PAX5: variants seen among roughly 807,000 people sequenced by gnomAD.
PAX5 encodes the protein paired box 5, also known as paired box protein Pax-5.
A neutral mutation model predicts 43.7 loss-of-function variants in PAX5; 9 were observed. That is an observed-to-expected ratio of 0.21 (90% CI 0.12 to 0.36). The LOEUF is 0.36. PAX5 is among the 10% of genes least tolerant of loss of function. The probability of loss-of-function intolerance (pLI) is 1.00; values close to 1 mark genes in which losing one functional copy is unlikely to be tolerated. For missense variants in PAX5, 383 were observed against 532.7 expected (o/e 0.72, Z 2.77); for synonymous variants, 228 against 214.3 (o/e 1.06, Z -0.56).
intron 5 of PAX5, among the ~76,000 whole-genome samples, chr9:36,994,210 G>A (rs574698115): frequency 2.6e-5 from 4 of 152,306 alleles, no homozygotes; most frequent in Admixed American, 2.6e-4. Flanking sequence ...CTGGGTCTCA[G>A]CTGAGGTGCC....
intron 1 of PAX5, among the ~76,000 whole-genome samples, chr9:37,031,991 C>CT (rs1259896280): frequency 1.3e-5 from 2 of 152,198 alleles, no homozygotes; most frequent in African/African-American, 4.8e-5. Flanking sequence ...CTCAGCTTCC[C>CT]TCTCTTCTCC....
intron 6 of PAX5, among the ~76,000 whole-genome samples, chr9:36,932,702 G>A (rs906531092): frequency 6.6e-6 from 1 of 152,086 alleles, no homozygotes; most frequent in Non-Finnish European, 1.5e-5. Context: ...CACTTACAAT[G>A]AGTGAATTTT....
intron 6 of PAX5, among the ~76,000 whole-genome samples, chr9:36,928,911 T>A (rs1290494294): frequency 6.6e-6 from 1 of 152,116 alleles, no homozygotes; most frequent in African/African-American, 2.4e-5. Context: ...ACCAGTAAAG[T>A]GTTTCCCCTG....
chr9:37,028,015 G>A (rs1840610687), intron 1 of PAX5, among the ~76,000 whole-genome samples: 1 of 152,246 alleles, frequency 6.6e-6, no homozygotes, highest in African/African-American at 2.4e-5. Flanking sequence ...CGGGTCCCAC[G>A]CGGGCTGGAC....
intron 5 of PAX5, among the ~76,000 whole-genome samples, chr9:37,001,138 A>G (rs1029910209): frequency 1.3e-5 from 2 of 152,222 alleles, no homozygotes; most frequent in African/African-American, 4.8e-5. Context: ...AAGGAGCTTG[A>G]GGGGCAAAAC....
In PAX5 at chr9:36,836,655, C is replaced by T. The variant is rs757591262; in HGVS notation, c.*3905G>A. The T allele has an allele frequency of 4.3e-6, 1 of 232,778 alleles. No homozygotes were observed. Among genetic ancestry groups the T allele is most frequent in the Non-Finnish European group, 8.5e-6 (1 of 117,838 alleles). 14.4% of individuals were successfully genotyped at this position (232,778 alleles called of 1,614,324 possible). On this transcript the variant is annotated 3_prime_UTR_variant, in exon 10 of 10. Coordinates refer to ENST00000358127, the MANE Select transcript of PAX5 (RefSeq NM_016734.3). ...CACCCCGTTCACCCAGGAAGCAGTT[C>T]ATTCAGGGGACTTGAGATTGTGATC...
chr9:36,853,621 A>G (rs1248272174), intron 8 of PAX5, among the ~76,000 whole-genome samples: 1 of 152,274 alleles, frequency 6.6e-6, no homozygotes, highest in Non-Finnish European at 1.5e-5. Context: ...GCCTTAAGAA[A>G]TTTCAGACAA....
intron 1 of PAX5, among the ~76,000 whole-genome samples, chr9:37,033,284 C>A (rs1184188061): frequency 2.6e-5 from 4 of 152,222 alleles, no homozygotes; most frequent in African/African-American, 9.6e-5. Flanking sequence ...ACATGCTAAA[C>A]ACCACGGATC....
At chr9:36,998,624 C>T (rs1837597779) in intron 5 of PAX5, among the ~76,000 whole-genome samples, 1 of 152,284 alleles carries the variant, frequency 6.6e-6, no homozygotes, top group African/African-American at 2.4e-5. Flanking sequence ...CCAGTACAAT[C>T]GAGGAGCTAA....
chr9:36,940,163 C>T (rs918153352), intron 6 of PAX5, among the ~76,000 whole-genome samples: 1 of 152,182 alleles, frequency 6.6e-6, no homozygotes, highest in Non-Finnish European at 1.5e-5. Flanking sequence ...GAGGCAATTG[C>T]GTTGGTCTCT....
At chr9:36,859,830 C>A (rs763662494) in intron 8 of PAX5, among the ~76,000 whole-genome samples, 17 of 152,216 alleles carry the variant, frequency 1.1e-4, no homozygotes, top group African/African-American at 3.9e-4. Flanking sequence ...GTCAGGAGAT[C>A]GAGACCATCC....
chr9:36,844,820 C>T (rs558885441), intron 9 of PAX5, among the ~76,000 whole-genome samples: 38 of 152,308 alleles, frequency 2.5e-4, no homozygotes, highest in Non-Finnish European at 4.6e-4. Flanking sequence ...AACTCCCCAG[C>T]CTGGCCTTCA....
At chr9:36,929,217 A>C (rs1473860739) in intron 6 of PAX5, among the ~76,000 whole-genome samples, 1 of 151,378 alleles carries the variant, frequency 6.6e-6, no homozygotes, top group East Asian at 1.9e-4. Context: ...GGAAGGAAGG[A>C]AGGAAGAAGG....
At chr9:36,860,494 CAG>C (rs1052425853) in intron 8 of PAX5, among the ~76,000 whole-genome samples, 18 of 152,232 alleles carry the variant, frequency 1.2e-4, no homozygotes, top group African/African-American at 4.3e-4. Flanking sequence ...GTTTGAGAGA[CAG>C]GGGGCAGGGA....
intron 7 of PAX5, among the ~76,000 whole-genome samples, chr9:36,889,111 G>T (rs1244659861): frequency 6.6e-6 from 1 of 152,204 alleles, no homozygotes; most frequent in Non-Finnish European, 1.5e-5. Context: ...GAGAAGTGAG[G>T]TCTATGATCC....
At chr9:36,905,301 C>A (rs989487591) in intron 7 of PAX5, among the ~76,000 whole-genome samples, 1 of 152,236 alleles carries the variant, frequency 6.6e-6, no homozygotes, top group African/African-American at 2.4e-5. Flanking sequence ...AGCTTCTGGG[C>A]CATTGTCACA....
chr9:36,869,329 C>T (rs767520104), intron 8 of PAX5, among the ~76,000 whole-genome samples: 6 of 152,202 alleles, frequency 3.9e-5, no homozygotes, highest in Non-Finnish European at 8.8e-5. Context: ...GCCTGAAACA[C>T]TCATCTTCTC....
At chr9:36,984,676 G>C (rs1159458048) in intron 5 of PAX5, among the ~76,000 whole-genome samples, 1 of 151,808 alleles carries the variant, frequency 6.6e-6, no homozygotes, top group Non-Finnish European at 1.5e-5. Context: ...GGCTGTTCTC[G>C]AACTCCTGAC....
chr9:36,864,727 C>A (rs908250650), intron 8 of PAX5, among the ~76,000 whole-genome samples: 1 of 152,228 alleles, frequency 6.6e-6, no homozygotes, highest in African/African-American at 2.4e-5. Flanking sequence ...TGGGAGCCTG[C>A]CGCCAGGGCT....
Sources: allele counts gnomAD v4.1 joint callset (sites outside exome capture counted in the v4.1 genomes callset), GRCh38; gene constraint gnomAD v4.1.1; transcripts MANE v1.5; gene names NCBI Gene and HGNC (gene_info 2026-07-23, HGNC 2026-07-21).